The following PARD3 variants were observed in gnomAD, a reference collection of about 807,000 sequenced individuals.
The protein encoded by PARD3 is partitioning defective 3 homolog.
Under a neutral mutation model 155.4 loss-of-function variants are expected in PARD3, and 75 were observed. The ratio of observed to expected loss-of-function variants is 0.48; its 90% CI spans 0.40 to 0.58. PARD3 has a LOEUF of 0.58. PARD3 is among the 20% of genes least tolerant of loss of function. The pLI, the probability that PARD3 is intolerant of heterozygous loss-of-function variation, is 0.00. For missense variants in PARD3, 1,642 were observed against 1,721.7 expected (o/e 0.95, Z 0.82); for synonymous variants, 576 against 610.5 (o/e 0.94, Z 0.83).
intron 7 of PARD3, among the ~76,000 whole-genome samples, chr10:34,385,237 G>A (rs961011028): frequency 9.9e-5 from 15 of 152,192 alleles, no homozygotes; most frequent in South Asian, 6.2e-4. Context: ...GGGTTCAAGC[G>A]ATTCTCCTGC....
At chr10:34,213,154 TG>T (rs1373164388) in intron 22 of PARD3, among the ~76,000 whole-genome samples, 2 of 152,166 alleles carry the variant, frequency 1.3e-5, no homozygotes, top group Non-Finnish European at 2.9e-5. Flanking sequence ...GGTTCAAGAT[TG>T]GGCAGCTGCA....
intron 2 of PARD3, among the ~76,000 whole-genome samples, chr10:34,682,673 G>A (rs2093866433): frequency 6.6e-6 from 1 of 152,026 alleles, no homozygotes; most frequent in Non-Finnish European, 1.5e-5. Context: ...ACTGAGCTAG[G>A]ATCACGTCAC....
In PARD3 at chr10:34,331,240, GA is replaced by G; in HGVS notation, c.2709del (p.Pro904LeufsTer9). ...AVAEVTLNGD[I>X]PFHRPRPRII... ...ATCCGCGGCCGTGGACGATGGAAAG[GA>G]ATATCCCCATTCAAAGTCACCTCGG... On this transcript the variant is annotated frameshift_variant, in exon 19 of 25. Transcript: ENST00000374788. LOFTEE classifies it high-confidence loss of function. The G allele has an allele frequency of 6.2e-7, 1 of 1,613,946 alleles. No individual in the cohort carries two copies. Among genetic ancestry groups the G allele is most frequent in the Non-Finnish European group, 8.5e-7 (1 of 1,179,942 alleles).
At chr10:34,718,760 C>G (rs769238650) in intron 1 of PARD3, among the ~76,000 whole-genome samples, 11 of 152,082 alleles carry the variant, frequency 7.2e-5, no homozygotes, top group African/African-American at 2.2e-4. Context: ...GTCAGGAGTT[C>G]GAGACCAGCC....
intron 18 of PARD3, 125 bp downstream of exon 18, chr10:34,336,073 CA>C (rs1266820412): frequency 1.5e-6 from 1 of 649,758 alleles, no homozygotes; most frequent in Non-Finnish European, 2.7e-6. Flanking sequence ...CAATTTCTCA[CA>C]ATGAAAACAT....
At chr10:34,261,781 A>AAAGG (rs1554820300) in intron 22 of PARD3, among the ~76,000 whole-genome samples, 4 of 131,966 alleles carry the variant, frequency 3.0e-5, no homozygotes, top group African/African-American at 1.3e-4. Flanking sequence ...AGAAAGAAAG[A>AAAGG]AAAGAAAGAA....
chr10:34,303,782 T>C (rs1957269513), intron 20 of PARD3, among the ~76,000 whole-genome samples: 1 of 151,976 alleles, frequency 6.6e-6, no homozygotes, highest in African/African-American at 2.4e-5. Context: ...GATCAGGCAA[T>C]TGTGAGCTGG....
At chr10:34,660,806 G>A (rs974257656) in intron 2 of PARD3, among the ~76,000 whole-genome samples, 1 of 152,018 alleles carries the variant, frequency 6.6e-6, no homozygotes, top group East Asian at 1.9e-4. Context: ...AAGGAACTAA[G>A]GCACAAAACA....
At chr10:34,199,853 T>C (rs1398824482) in intron 22 of PARD3, among the ~76,000 whole-genome samples, 2 of 152,038 alleles carry the variant, frequency 1.3e-5, no homozygotes, top group Non-Finnish European at 2.9e-5. Context: ...CTAGGTTCTT[T>C]AGCAACAAAG....
intron 22 of PARD3, among the ~76,000 whole-genome samples, chr10:34,225,728 A>ACTC (rs1397566947): frequency 1.3e-5 from 2 of 152,188 alleles, no homozygotes; most frequent in Non-Finnish European, 2.9e-5. Context: ...TCATATACAA[A>ACTC]AATTATCTCA....
chr10:34,414,249 C>T (rs1312668589), intron 5 of PARD3, among the ~76,000 whole-genome samples: 1 of 151,308 alleles, frequency 6.6e-6, no homozygotes, highest in Non-Finnish European at 1.5e-5. Flanking sequence ...GGGGGAGAAA[C>T]AAATATCATC....
chr10:34,658,907 G>A, intron 2 of PARD3, among the ~76,000 whole-genome samples: 1 of 152,176 alleles, frequency 6.6e-6, no homozygotes, highest in Non-Finnish European at 1.5e-5. Context: ...AGTTCACCAC[G>A]TGTGTTAAAA....
At chr10:34,744,184 T>C (rs1372874517) in intron 1 of PARD3, among the ~76,000 whole-genome samples, 5 of 152,090 alleles carry the variant, frequency 3.3e-5, no homozygotes, top group Non-Finnish European at 7.3e-5. Flanking sequence ...TAACAATAAA[T>C]AGCGCAACAA....
intron 22 of PARD3, among the ~76,000 whole-genome samples, chr10:34,166,313 G>T (rs1283010031): frequency 6.6e-6 from 1 of 151,962 alleles, no homozygotes; most frequent in Non-Finnish European, 1.5e-5. Context: ...AATCTCACGT[G>T]CATTAAAAAA....
At chr10:34,700,190 AC>A (rs1356483801) in intron 1 of PARD3, among the ~76,000 whole-genome samples, 2 of 152,210 alleles carry the variant, frequency 1.3e-5, no homozygotes, top group Non-Finnish European at 2.9e-5. Context: ...ATAGGTCCAA[AC>A]CCACCGAAGA....
rs890054566 is a variant in PARD3 at position 34,110,573 on chromosome 10, CCAAA to C, written c.*592_*595del. 3 of 152,176 alleles carry C rather than the reference CCAAA, an allele frequency of 2.0e-5. No individual in the cohort carries two copies. The allele number at this position is 152,176 out of a possible 1,614,324, so 9.4% of individuals were successfully genotyped here. ...AGTTACAAAAGGACCCCCATGGTGA[CCAAA>C]CAATGTTGGACTATGGCTTAGCTTC... On this transcript the variant is annotated 3_prime_UTR_variant, in exon 25 of 25. Coordinates refer to ENST00000374788, the MANE Select transcript of PARD3 (RefSeq NM_001184785.2).
intron 5 of PARD3, among the ~76,000 whole-genome samples, chr10:34,443,452 T>C (rs1392985648): frequency 7.9e-5 from 12 of 152,140 alleles, no homozygotes; most frequent in Non-Finnish European, 1.8e-4. Flanking sequence ...AGGAAGAGGT[T>C]TAATGGACAT....
At chr10:34,534,901 T>C (rs913655828) in intron 2 of PARD3, among the ~76,000 whole-genome samples, 1 of 151,922 alleles carries the variant, frequency 6.6e-6, no homozygotes, top group Non-Finnish European at 1.5e-5. Context: ...AATCTCAGCT[T>C]CTCAGGAGGC....
Position 34,814,855 on chromosome 10 carries a change from CCCGCGCCCCCGG to C in PARD3, c.120+9_120+20del. The C allele has an allele frequency of 6.8e-7, 1 of 1,478,794 alleles. No homozygotes were observed. Among genetic ancestry groups the C allele is most frequent in the Non-Finnish European group, 9.1e-7 (1 of 1,103,208 alleles). 91.6% of individuals were successfully genotyped at this position (1,478,794 alleles called of 1,614,324 possible). A position where few individuals can be genotyped will look rare whatever the true frequency, so the allele number is the denominator to read the frequency against. ...CGTCCCCGCCGCCGCCCCCTCCCCGCCCGCGCCCCCGGCCCCTCACCTTGGCGATGGCCTTCC... is the reference window on the plus strand; with the variant it reads ...CGTCCCCGCCGCCGCCCCCTCCCCGCCCCCTCACCTTGGCGATGGCCTTCC... On this transcript the variant is annotated intron_variant, in intron 1 of 24. Coordinates refer to ENST00000374788, the MANE Select transcript of PARD3 (RefSeq NM_001184785.2).
Sources: gnomAD v4.1 joint callset for allele counts (sites outside exome capture counted in the v4.1 genomes callset) on GRCh38, gnomAD v4.1.1 for gene constraint, MANE v1.5 for transcripts, NCBI Gene and HGNC (gene_info 2026-07-23, HGNC 2026-07-21) for gene names.